The following EPHA5 variants were observed in gnomAD, a reference collection of about 807,000 sequenced individuals.
EPHA5 encodes EPH receptor A5.
Under a neutral mutation model 105.0 loss-of-function variants are expected in EPHA5, and 60 were observed. The ratio of observed to expected loss-of-function variants is 0.57; its 90% CI spans 0.46 to 0.71. EPHA5 has a LOEUF of 0.71. EPHA5 is among the 30% of genes least tolerant of loss of function. EPHA5 has a pLI of 0.00. For missense variants in EPHA5, 1,218 were observed against 1,274.7 expected (o/e 0.96, Z 0.68); for synonymous variants, 513 against 449.1 (o/e 1.14, Z -1.80).
At chr4:65,633,953 G>T (rs1344202019) in intron 2 of EPHA5, among the ~76,000 whole-genome samples, 1 of 152,092 alleles carries the variant, frequency 6.6e-6, no homozygotes, top group Non-Finnish European at 1.5e-5. Flanking sequence ...TGTACACGTT[G>T]TAATCTGGAG....
chr4:65,600,738 A>T (rs1262851069), intron 3 of EPHA5, among the ~76,000 whole-genome samples: 1 of 152,114 alleles, frequency 6.6e-6, no homozygotes, highest in African/African-American at 2.4e-5. Flanking sequence ...TGATGAAAAC[A>T]AGTTCAGGAT....
chr4:65,478,190 A>G (rs1730014297), intron 5 of EPHA5, among the ~76,000 whole-genome samples: 1 of 152,182 alleles, frequency 6.6e-6, no homozygotes, highest in African/African-American at 2.4e-5. Context: ...CAAAATGAAA[A>G]GATTTTTGTT....
At chr4:65,473,906 A>G (rs1729534230) in intron 5 of EPHA5, among the ~76,000 whole-genome samples, 1 of 148,388 alleles carries the variant, frequency 6.7e-6, no homozygotes, top group South Asian at 2.1e-4. Flanking sequence ...TGTCTGAAAT[A>G]GAAATATTTC....
intron 2 of EPHA5, among the ~76,000 whole-genome samples, chr4:65,613,379 A>G (rs544606714): frequency 4.6e-5 from 7 of 152,162 alleles, no homozygotes; most frequent in African/African-American, 1.7e-4. Context: ...GGTCATATAA[A>G]CTATATAATT....
chr4:65,596,271 A>T (rs781257257), intron 3 of EPHA5, among the ~76,000 whole-genome samples: 7 of 152,160 alleles, frequency 4.6e-5, no homozygotes, highest in Non-Finnish European at 1.0e-4. Flanking sequence ...CCCCCAGTGA[A>T]TATTAGGCAA....
At chr4:65,510,985 A>ATCTC (rs943338860) in intron 3 of EPHA5, among the ~76,000 whole-genome samples, 3 of 151,894 alleles carry the variant, frequency 2.0e-5, no homozygotes, top group Non-Finnish European at 2.9e-5. Context: ...CAATCAATCA[A>ATCTC]TCTCTCTCTC....
intron 3 of EPHA5, among the ~76,000 whole-genome samples, chr4:65,508,564 CTA>C (rs1385376575): frequency 6.6e-6 from 1 of 152,040 alleles, no homozygotes; most frequent in Non-Finnish European, 1.5e-5. Context: ...GTACAATTAA[CTA>C]TGTGCTATTT....
intron 5 of EPHA5, among the ~76,000 whole-genome samples, chr4:65,481,140 G>A (rs553871795): frequency 6.6e-5 from 10 of 152,174 alleles, no homozygotes; most frequent in Admixed American, 2.6e-4. Flanking sequence ...AACAAAGATC[G>A]TCTGTGTCTA....
intron 3 of EPHA5, among the ~76,000 whole-genome samples, chr4:65,524,927 A>C (rs1373082423): frequency 6.6e-6 from 1 of 151,790 alleles, no homozygotes; most frequent in Non-Finnish European, 1.5e-5. Context: ...CATCCTTCAA[A>C]GAAAGATCTG....
intron 3 of EPHA5, among the ~76,000 whole-genome samples, chr4:65,583,293 TA>T (rs1432765666): frequency 1.3e-5 from 2 of 151,550 alleles, no homozygotes; most frequent in African/African-American, 4.8e-5. Context: ...CTCTGTAACA[TA>T]AAGAGAAAAT....
At chr4:65,617,350 C>T (rs908572715) in intron 2 of EPHA5, among the ~76,000 whole-genome samples, 2 of 152,100 alleles carry the variant, frequency 1.3e-5, no homozygotes, top group East Asian at 3.9e-4. Context: ...GTTGGTGTAT[C>T]GCCCTCTCCA....
chr4:65,659,317 CAGAAAAAAAAAAAAAA>C (rs1749339913), intron 1 of EPHA5, among the ~76,000 whole-genome samples: 1 of 35,232 alleles, frequency 2.8e-5, no homozygotes, highest in Non-Finnish European at 4.3e-5. Flanking sequence ...ACTAGAGTAA[CAGAAAAAAAAAAAAAA>C]AAAAAAAAAA....
chr4:65,568,269 A>ATAAT (rs974196333), intron 3 of EPHA5, among the ~76,000 whole-genome samples: 10 of 151,498 alleles, frequency 6.6e-5, no homozygotes, highest in African/African-American at 2.2e-4. Context: ...TTGTTGAAGG[A>ATAAT]TAATTAAATA....
At chr4:65,486,027 G>T (rs927010650) in intron 5 of EPHA5, among the ~76,000 whole-genome samples, 1 of 152,056 alleles carries the variant, frequency 6.6e-6, no homozygotes. Flanking sequence ...TTAACCACCA[G>T]AAAAGAAAAG....
chr4:65,376,995 A>G (rs775057194), intron 8 of EPHA5: 1 of 1,605,168 alleles, frequency 6.2e-7, no homozygotes, highest in South Asian at 1.1e-5. Context: ...AGGGAACACT[A>G]ACCATATTAG....
chr4:65,375,026 G>A (rs1718854088), intron 8 of EPHA5, among the ~76,000 whole-genome samples: 1 of 151,786 alleles, frequency 6.6e-6, no homozygotes, highest in Admixed American at 6.6e-5. Flanking sequence ...TAGAAAATTT[G>A]TAGTAATTTG....
intron 3 of EPHA5, among the ~76,000 whole-genome samples, chr4:65,594,181 GTC>G (rs1560747160): frequency 6.6e-6 from 1 of 151,922 alleles, no homozygotes; most frequent in East Asian, 1.9e-4. Context: ...TTTTTGTGAG[GTC>G]TTTATAATTA....
Position 65,483,840 on chromosome 4 carries a change from C to T in EPHA5, c.1402+6537G>A, listed in dbSNP as rs577188772. The stretch of plus-strand genomic sequence containing the variant: ...CAAAGCTGTGAAACTCTAGTAATGG[C>T]CAAACTAAAGACCTCTGAGCATCTC... On this transcript the variant is annotated intron_variant, in intron 5 of 16. Coordinates refer to ENST00000613740, the MANE Select transcript of EPHA5 (RefSeq NM_001281766.3). 1.9e-3 allele frequency among the ~76,000 whole-genome samples: 282 copies of T among 152,052 alleles called. 2 individuals carry two copies. Among genetic ancestry groups the T allele is most frequent in the African/African-American group, 6.6e-3 (274 of 41,492 alleles).
At position 65,470,780 on chromosome 4, in the gene EPHA5, C is replaced by G. The variant is rs567841269; in HGVS notation, c.1402+19597G>C. Among the ~76,000 whole-genome samples the G allele has an allele frequency of 9.3e-4, 142 of 152,296 alleles. 1 individual carries two copies. The highest frequency in any genetic ancestry group is 3.1e-3 in the African/African-American group (127 of 41,560). ...CTTCACAGTTTTGAAGAACAAGCCA[C>G]TAATATTTGCAGTCCTGTTAAAGCA... On this transcript the variant is annotated intron_variant, in intron 5 of 16. Coordinates refer to ENST00000613740, the MANE Select transcript of EPHA5 (RefSeq NM_001281766.3).
Sources: allele counts gnomAD v4.1 joint callset (sites outside exome capture counted in the v4.1 genomes callset), GRCh38; gene constraint gnomAD v4.1.1; transcripts MANE v1.5; gene names NCBI Gene and HGNC (gene_info 2026-07-23, HGNC 2026-07-21).